ERI1: variants seen among roughly 807,000 people sequenced by gnomAD.
The protein encoded by ERI1 is exoribonuclease 1, also known as 3'-5' exoribonuclease 1.
In ERI1, 39 loss-of-function variants were observed where a neutral mutation model predicts 39.7. The ratio of observed to expected loss-of-function variants is 0.98; its 90% CI spans 0.76 to 1.28. The LOEUF is 1.28. ERI1 is among the 50% of genes most tolerant of loss of function. ERI1 has a pLI of 0.00. For missense variants in ERI1, 581 were observed against 416.9 expected, an observed-to-expected ratio of 1.39 and a Z score of -3.43; for synonymous variants, 204 against 149.6, an observed-to-expected ratio of 1.36 and a Z score of -2.65.
intron 3 of ERI1, among the ~76,000 whole-genome samples, chr8:9,052,744 A>G (rs888452456): frequency 1.3e-5 from 2 of 152,224 alleles, no homozygotes; most frequent in African/African-American, 4.8e-5. Flanking sequence ...GACTCCTGGC[A>G]CTGAGCATCA....
In ERI1 at chr8:9,032,862, A is replaced by G. The variant is rs910832269; in HGVS notation, c.*2828A>G. 6.6e-6 allele frequency: 1 copy of G among 152,204 alleles called. No homozygotes were observed. Among genetic ancestry groups the G allele is most frequent in the Non-Finnish European group, 1.5e-5 (1 of 68,032 alleles). 9.4% of individuals were successfully genotyped at this position (152,204 alleles called of 1,614,324 possible). ...CTACCTGCCTCACAGATGAGCACGC[A>G]CGGGTGCATTGTCAAAGTCTGAGAA... is the stretch of plus-strand genomic sequence containing the variant. On this transcript the variant is annotated 3_prime_UTR_variant, in exon 7 of 7. Coordinates refer to ENST00000250263, the MANE Select transcript of ERI1 (RefSeq NM_153332.4).
intron 2 of ERI1, among the ~76,000 whole-genome samples, chr8:9,009,838 T>C (rs1313159901): frequency 2.0e-5 from 3 of 152,248 alleles, no homozygotes; most frequent in African/African-American, 4.8e-5. Context: ...GTTGAGGCCA[T>C]GGCTTATAGT....
chr8:9,035,792 T>G (rs1797824500), downstream of ERI1, among the ~76,000 whole-genome samples: 1 of 152,248 alleles, frequency 6.6e-6, no homozygotes, highest in Non-Finnish European at 1.5e-5. Flanking sequence ...CTGATGGATC[T>G]AGGCAAAGTC....
Position 9,008,126 on chromosome 8 carries a change from T to A in ERI1, c.265T>A (p.Ser89Thr). ...MSKEELRAKL[S>T]EFKLETRGVK... ...TAAGGAAGAACTCAGAGCTAAGCTT[T>A]CAGAATTCAAGCTTGAAACTAGGTA... Residue 89 changes from serine to threonine, a missense_variant, in exon 2 of 7, where the codon TCA becomes ACA. By Grantham distance (58) the Ser-to-Thr change is moderately conservative (BLOSUM62 1). Coordinates refer to ENST00000250263, the MANE Select transcript of ERI1 (RefSeq NM_153332.4). 6.3e-7 allele frequency: 1 copy of A among 1,594,392 alleles called. No homozygotes were observed. Among genetic ancestry groups the A allele is most frequent in the Non-Finnish European group, 8.5e-7 (1 of 1,172,708 alleles).
chr8:9,085,655 A>T (rs992092853), intron 3 of ERI1, among the ~76,000 whole-genome samples: 1 of 151,952 alleles, frequency 6.6e-6, no homozygotes, highest in South Asian at 2.1e-4. Context: ...TACAGTATTT[A>T]CTATCTGGCC....
At chr8:9,013,262 G>A (rs1384538470) in intron 3 of ERI1, among the ~76,000 whole-genome samples, 1 of 148,246 alleles carries the variant, frequency 6.7e-6, no homozygotes, top group East Asian at 2.0e-4. Flanking sequence ...CAATCCACCT[G>A]CCTCAGGTTC....
At chr8:9,008,723 A>C (rs995836413) in intron 2 of ERI1, among the ~76,000 whole-genome samples, 2 of 152,196 alleles carry the variant, frequency 1.3e-5, no homozygotes, top group Non-Finnish European at 2.9e-5. Context: ...TTTTTGCGAA[A>C]CAAATCACTT....
At chr8:9,035,664 C>T (rs1008816240), downstream of ERI1, among the ~76,000 whole-genome samples, 6 of 152,164 alleles carry the variant, frequency 3.9e-5, no homozygotes, top group African/African-American at 1.4e-4. Flanking sequence ...GGTTTTAATG[C>T]CTACAAACAC....
At chr8:9,005,763 G>T (rs1815946324) in intron 1 of ERI1, among the ~76,000 whole-genome samples, 1 of 152,040 alleles carries the variant, frequency 6.6e-6, no homozygotes, top group Non-Finnish European at 1.5e-5. Context: ...CAAAGTGCTG[G>T]GATTACAGGC....
rs551756807 is a variant in ERI1 at position 9,006,729 on chromosome 8, A to T, written c.109-1241A>T. On this transcript the variant is annotated intron_variant, in intron 1 of 6. Transcript: ENST00000250263. ...GGAACCTCAGTGTGGCTGTTCTTTA[A>T]TTTATGGACAGTTCACACATTGGAA... Among the ~76,000 whole-genome samples the T allele has an allele frequency of 2.0e-5, 3 of 152,108 alleles. No homozygotes were observed. In the South Asian group the frequency reaches 6.2e-4, roughly 32 times the overall value.
intron 3 of ERI1, among the ~76,000 whole-genome samples, chr8:9,063,221 T>C (rs1798761728): frequency 6.6e-6 from 1 of 152,130 alleles, no homozygotes; most frequent in Non-Finnish European, 1.5e-5. Flanking sequence ...TCTAGGGCTG[T>C]AAAGCGTCTC....
At chr8:9,078,195 G>A (rs1322694793) in intron 3 of ERI1, among the ~76,000 whole-genome samples, 1 of 152,044 alleles carries the variant, frequency 6.6e-6, no homozygotes, top group Non-Finnish European at 1.5e-5. Flanking sequence ...TCACCATGTT[G>A]GTCAGGCTGG....
chr8:9,097,926 A>G (rs928352749), intron 3 of ERI1, among the ~76,000 whole-genome samples: 7 of 152,244 alleles, frequency 4.6e-5, no homozygotes, highest in Admixed American at 3.3e-4. Flanking sequence ...TACACCATGG[A>G]ATACTACTCA....
intron 3 of ERI1, among the ~76,000 whole-genome samples, chr8:9,085,307 C>G (rs926602039): frequency 2.6e-5 from 4 of 152,138 alleles, no homozygotes; most frequent in African/African-American, 4.8e-5. Flanking sequence ...CTCCTGGGTT[C>G]AAGTGATTCT....
intron 3 of ERI1, among the ~76,000 whole-genome samples, chr8:9,051,446 C>T (rs1192992146): frequency 6.6e-6 from 1 of 152,050 alleles, no homozygotes; most frequent in African/African-American, 2.4e-5. Context: ...CCCTTGAGGT[C>T]AGGAGTTCGA....
At position 9,012,503 on chromosome 8, in the gene ERI1, C is replaced by T. The variant is rs759414624; in HGVS notation, c.498+751C>T. 2.0e-5 allele frequency among the ~76,000 whole-genome samples: 3 copies of T among 152,198 alleles called. No individual in the cohort carries two copies. The East Asian group carries it at 5.8e-4, about 29-fold the overall frequency. ...TAAAAAGGTTTTGTGAATTAAAATG[C>T]ATAGGTTATTAGTGCTATTCAAAAT... On this transcript the variant is annotated intron_variant, in intron 3 of 6. Transcript: ENST00000250263.
intron 3 of ERI1, among the ~76,000 whole-genome samples, chr8:9,071,190 A>T (rs1799038498): frequency 6.6e-6 from 1 of 152,250 alleles, no homozygotes; most frequent in Non-Finnish European, 1.5e-5. Context: ...AGATGATTGC[A>T]TTGTTATAGA....
intron 3 of ERI1, among the ~76,000 whole-genome samples, chr8:9,050,786 C>A (rs1798332422): frequency 1.3e-5 from 2 of 152,200 alleles, no homozygotes; most frequent in African/African-American, 2.4e-5. Flanking sequence ...TATCCCACCA[C>A]AACTCCGGGC....
chr8:9,005,013 G>C (rs79375922), intron 1 of ERI1, among the ~76,000 whole-genome samples: 3 of 152,058 alleles, frequency 2.0e-5, no homozygotes, highest in Non-Finnish European at 2.9e-5. Context: ...TTCAATCTGG[G>C]CCAAAGTTTT....
Sources: gnomAD v4.1 joint callset for allele counts (sites outside exome capture counted in the v4.1 genomes callset) on GRCh38, gnomAD v4.1.1 for gene constraint, MANE v1.5 for transcripts, NCBI Gene and HGNC (gene_info 2026-07-23, HGNC 2026-07-21) for gene names.